TCF15: variants seen among roughly 807,000 people sequenced by gnomAD.
TCF15 encodes the protein transcription factor 15.
A neutral mutation model predicts 11.1 loss-of-function variants in TCF15; 7 were observed. The ratio of observed to expected loss-of-function variants is 0.63; its 90% CI spans 0.36 to 1.19. The LOEUF (loss-of-function observed/expected upper bound fraction) is 1.19. Among genes scored for constraint, TCF15 ranks in the 50% most tolerant of loss-of-function variants. The probability of loss-of-function intolerance (pLI) is 0.02; values close to 1 mark genes in which losing one functional copy is unlikely to be tolerated. For missense variants in TCF15, 288 were observed against 289.4 expected (o/e 1.00, Z 0.03); for synonymous variants, 144 against 138.9 (o/e 1.04, Z -0.26).
In TCF15 at chr20:606,662, C is replaced by CA. The variant is rs796860046; in HGVS notation, c.526-1998dup. On this transcript the variant is annotated intron_variant, in intron 1 of 1. Transcript: ENST00000246080. ...CAAAACCCCGTCTCTACTAAAAATA[C>CA]AAAAAATTAGCCAGGTGTGGTGGCT... Among the ~76,000 whole-genome samples the CA allele has an allele frequency of 1.4e-4, 22 of 152,006 alleles. 1 individual carries two copies. Among genetic ancestry groups the CA allele is most frequent in the African/African-American group, 2.7e-4 (11 of 41,474 alleles).
rs768758176 is a variant in TCF15 at position 609,790 on chromosome 20, C to T, written c.448G>A (p.Ala150Thr). 1 of 1,437,484 alleles carries T rather than the reference C, an allele frequency of 7.0e-7. No individual in the cohort carries two copies. The highest frequency in any genetic ancestry group is 2.4e-4 in the Middle Eastern group (1 of 4,208). The allele number at this position is 1,437,484 out of a possible 1,614,324, so 89.0% of individuals were successfully genotyped here. A position where few individuals can be genotyped will look rare whatever the true frequency, so the allele number is the denominator to read the frequency against. Residue 150 changes from alanine (A) to threonine (T), a missense_variant, in exon 1 of 2, where the codon GCC (alanine) becomes ACC (threonine). By Grantham distance (58) the Ala-to-Thr change is moderately conservative (BLOSUM62 0). Coordinates refer to ENST00000246080, the MANE Select transcript of TCF15 (RefSeq NM_004609.4). This position sits in a 1 kb window ranked among gnomAD's most constrained non-coding sequence, Gnocchi z 4.7. ...CFRAAGSAKG[A>T]VPAAADGGRQ... Reference sequence around the variant, plus strand: ...CCGCCGTCGGCGGCGGCGGGGACGGCGCCCTTGGCACTGCCCGCGGCACGG... The same window carrying T: ...CCGCCGTCGGCGGCGGCGGGGACGGTGCCCTTGGCACTGCCCGCGGCACGG...
At chr20:605,329 A>G (rs1337143841) in intron 1 of TCF15, among the ~76,000 whole-genome samples, 1 of 152,178 alleles carries the variant, frequency 6.6e-6, no homozygotes. Context: ...TCACTCGTCC[A>G]CCTTTAAAAG....
Position 609,653 on chromosome 20 carries a change from A to ACG in TCF15, c.525+59_525+60insCG. ...CCCTGCACCTCTCCGGTTCCCGCAG[A>ACG]GGCGCTGCCCCCCGCCTACCCCGAC... is the stretch of plus-strand genomic sequence containing the variant. On this transcript the variant is annotated intron_variant, in intron 1 of 1. Coordinates refer to ENST00000246080, the MANE Select transcript of TCF15 (RefSeq NM_004609.4). This position sits in a 1 kb window ranked among gnomAD's most constrained non-coding sequence, Gnocchi z 4.7. The ACG allele has an allele frequency of 7.6e-7, 1 of 1,317,632 alleles. No homozygotes were observed. Among genetic ancestry groups the ACG allele is most frequent in the Non-Finnish European group, 9.6e-7 (1 of 1,041,322 alleles). The allele number at this position is 1,317,632 out of a possible 1,614,324, so 81.6% of individuals were successfully genotyped here.
chr20:610,260 T>A lies in TCF15; in HGVS notation c.-23A>T, dbSNP rs774988481. On this transcript the variant is annotated 5_prime_UTR_variant, in exon 1 of 2. Coordinates refer to ENST00000246080, the MANE Select transcript of TCF15 (RefSeq NM_004609.4). ...CATGGGCGCCGGCCGCGTCCCTCCG[T>A]GCGCCGCGTCCCAGCGTCGGCCGCG... 1 of 989,040 alleles carries A rather than the reference T, an allele frequency of 1.0e-6. No homozygotes were observed. Among genetic ancestry groups the A allele is most frequent in the Admixed American group, 6.2e-5 (1 of 16,152 alleles). 61.3% of individuals were successfully genotyped at this position (989,040 alleles called of 1,614,324 possible).
chr20:609,578 C>G lies in TCF15; in HGVS notation c.525+135G>C, dbSNP rs2020004358. The G allele has an allele frequency of 9.4e-7, 1 of 1,067,624 alleles. No homozygotes were observed. Among genetic ancestry groups the G allele is most frequent in the Non-Finnish European group, 1.2e-6 (1 of 825,056 alleles). 66.1% of individuals were successfully genotyped at this position (1,067,624 alleles called of 1,614,324 possible). ...AGTCAGTGGTTCTGGGCTTGGGGTG[C>G]CGCACCCAGCACGAATTCCACGTCG... On this transcript the variant is annotated intron_variant, in intron 1 of 1. Coordinates refer to ENST00000246080, the MANE Select transcript of TCF15 (RefSeq NM_004609.4). This position sits in a 1 kb window ranked among gnomAD's most constrained non-coding sequence, Gnocchi z 4.7.
intron 1 of TCF15, among the ~76,000 whole-genome samples, chr20:606,066 C>A (rs2019972108): frequency 6.6e-6 from 1 of 152,190 alleles, no homozygotes; most frequent in Non-Finnish European, 1.5e-5. Flanking sequence ...CCTCCACCCC[C>A]AGGTCCAGGT....
Position 610,188 on chromosome 20 carries a change from T to C in TCF15, c.50A>G (p.Asp17Gly). Reference protein sequence around the residue: ...RPVGAHVLYPDVRLLSEDEEN... With the variant: ...RPVGAHVLYPGVRLLSEDEEN... ...CTCGTCCTCGCTCAGCAGCCGCACGTCCGGGTACAGCACGTGCGCGCCGAC... is the reference window on the plus strand; with the variant it reads ...CTCGTCCTCGCTCAGCAGCCGCACGCCCGGGTACAGCACGTGCGCGCCGAC... The change falls in exon 1 of 2, where the codon GAC (aspartate) becomes GGC (glycine). Residue 17 changes from aspartate (D) to glycine (G), a missense_variant. Physicochemically the swap from Asp to Gly is moderately conservative, Grantham distance 94. Coordinates refer to ENST00000246080, the MANE Select transcript of TCF15 (RefSeq NM_004609.4). 9.5e-7 allele frequency: 1 copy of C among 1,051,088 alleles called. No homozygotes were observed. Among genetic ancestry groups the C allele is most frequent in the Non-Finnish European group, 1.2e-6 (1 of 868,260 alleles). 65.1% of individuals were successfully genotyped at this position (1,051,088 alleles called of 1,614,324 possible). A position where few individuals can be genotyped will look rare whatever the true frequency, so the allele number is the denominator to read the frequency against.
rs1383066762 is a variant in TCF15 at position 609,959 on chromosome 20, C to T, written c.279G>A (p.Thr93=). The T allele has an allele frequency of 1.4e-6, 2 of 1,478,848 alleles. No homozygotes were observed. Among genetic ancestry groups the T allele is most frequent in the Non-Finnish European group, 8.9e-7 (1 of 1,121,564 alleles). 91.6% of individuals were successfully genotyped at this position (1,478,848 alleles called of 1,614,324 possible). The change falls in exon 1 of 2, where the codon ACG becomes ACA. Residue 93 remains threonine (T), a synonymous_variant. Coordinates refer to ENST00000246080, the MANE Select transcript of TCF15 (RefSeq NM_004609.4). This position sits in a 1 kb window ranked among gnomAD's most constrained non-coding sequence, Gnocchi z 4.7. ...CGGTGGGGATGAGCGTGCGCAGCGC[C>T]GTGAAGGCCGTGTTCACGCTCTGAG... is the stretch of plus-strand genomic sequence containing the variant. ...DRTQSVNTAF[T]ALRTLIPTEP... is the part of the protein sequence containing the mutation.
chr20:610,156 G>C lies in TCF15; in HGVS notation c.82C>G (p.Arg28Gly). ...TGGTCCGACGCGTCGCTCTCGCTGC[G>C]GTTCTCCTCGTCCTCGCTCAGCAGC... ...VRLLSEDEEN[R>G]SESDASDQSF... is the part of the protein sequence containing the mutation. Residue 28 changes from arginine to glycine, a missense_variant, in exon 1 of 2, where the codon CGC becomes GGC. Coordinates refer to ENST00000246080, the MANE Select transcript of TCF15 (RefSeq NM_004609.4). 9.6e-7 allele frequency: 1 copy of C among 1,043,840 alleles called. No individual in the cohort carries two copies. The highest frequency in any genetic ancestry group is 1.7e-5 in the African/African-American group (1 of 57,854). The allele number at this position is 1,043,840 out of a possible 1,614,324, so 64.7% of individuals were successfully genotyped here. A position where few individuals can be genotyped will look rare whatever the true frequency, so the allele number is the denominator to read the frequency against.
chr20:607,633 C>T (rs45565235), intron 1 of TCF15, among the ~76,000 whole-genome samples: 15,767 of 152,250 alleles, frequency 0.1, 1,022 homozygotes, highest in South Asian at 0.18. Flanking sequence ...CCCAGGGAAG[C>T]GGCCAGGCCC....
rs2019956571 is a variant in TCF15 at position 604,576 on chromosome 20, C to T, written c.*15G>A. 8 of 1,550,768 alleles carry T rather than the reference C, an allele frequency of 5.2e-6. No homozygotes were observed. Among genetic ancestry groups the T allele is most frequent in the Non-Finnish European group, 6.1e-6 (7 of 1,146,332 alleles). On this transcript the variant is annotated 3_prime_UTR_variant, in exon 2 of 2. Coordinates refer to ENST00000246080, the MANE Select transcript of TCF15 (RefSeq NM_004609.4). The surrounding 1 kb of genome is among the most constrained non-coding windows in gnomAD (Gnocchi z 4.2). Reference sequence around the variant, plus strand: ...CCAGTGGCTGGCTCCTGGCCTCCTTCTCCAGGGTCCAGGCTCATCTCCGTG... The same window carrying T: ...CCAGTGGCTGGCTCCTGGCCTCCTTTTCCAGGGTCCAGGCTCATCTCCGTG...
rs745900039 is a variant in TCF15 at position 609,030 on chromosome 20, C to T, written c.525+683G>A. 4.3e-4 allele frequency among the ~76,000 whole-genome samples: 65 copies of T among 152,134 alleles called. No individual in the cohort carries two copies. The highest frequency in any genetic ancestry group is 5.4e-4 in the Non-Finnish European group (37 of 68,018). On this transcript the variant is annotated intron_variant, in intron 1 of 1. Transcript: ENST00000246080. The surrounding 1 kb of genome is among the most constrained non-coding windows in gnomAD (Gnocchi z 4.7). Reference sequence around the variant, plus strand: ...CAGCTGACCCAAGAGTGCCCTCTCCCAACACCACGTCCTTTTGGGGGCTGG... The same window carrying T: ...CAGCTGACCCAAGAGTGCCCTCTCCTAACACCACGTCCTTTTGGGGGCTGG...
At position 610,048 on chromosome 20, in the gene TCF15, C is replaced by A. The variant is rs758317029; in HGVS notation, c.190G>T (p.Gly64Cys). The A allele has an allele frequency of 1.1e-5, 12 of 1,133,088 alleles. No individual in the cohort carries two copies. Among genetic ancestry groups the A allele is most frequent in the Non-Finnish European group, 1.3e-5 (12 of 925,992 alleles). 70.2% of individuals were successfully genotyped at this position (1,133,088 alleles called of 1,614,324 possible). A position where few individuals can be genotyped will look rare whatever the true frequency, so the allele number is the denominator to read the frequency against. Residue 64 changes from glycine to cysteine, a missense_variant, in exon 1 of 2, where the codon GGC becomes TGC. Gly to Cys is a radical substitution (Grantham distance 159). Coordinates refer to ENST00000246080, the MANE Select transcript of TCF15 (RefSeq NM_004609.4). ...GGGRRAGGGG[G>C]AGPVVVVRQR... is the part of the protein sequence containing the mutation. ...CGCACCACCACCACGGGGCCCGCGC[C>A]GCCGCCGCCGCCCGCCCGCCGCCCG...
intron 1 of TCF15, among the ~76,000 whole-genome samples, chr20:608,992 C>T (rs551666064): frequency 2.0e-4 from 31 of 152,290 alleles, no homozygotes; most frequent in African/African-American, 7.2e-4. Flanking sequence ...AGGAGCTGCA[C>T]ACCAGCTCCC....
rs1378335116 is a variant in TCF15 at position 604,461 on chromosome 20, G to A, written c.*130C>T. On this transcript the variant is annotated 3_prime_UTR_variant, in exon 2 of 2. Coordinates refer to ENST00000246080, the MANE Select transcript of TCF15 (RefSeq NM_004609.4). This position sits in a 1 kb window ranked among gnomAD's most constrained non-coding sequence, Gnocchi z 4.2. The stretch of plus-strand genomic sequence containing the variant: ...CGGGTGGAGATGTCCCGAGGGCCCT[G>A]CCCAGAGTGTCCCGGAACAGGCCAT... 4.7e-6 allele frequency: 4 copies of A among 848,276 alleles called. 1 individual carries two copies. The South Asian group carries it at 5.9e-5, about 12-fold the overall frequency. 52.5% of individuals were successfully genotyped at this position (848,276 alleles called of 1,614,324 possible).
At chr20:606,954 T>C (rs1202202948) in intron 1 of TCF15, among the ~76,000 whole-genome samples, 1 of 152,216 alleles carries the variant, frequency 6.6e-6, no homozygotes, top group Non-Finnish European at 1.5e-5. Flanking sequence ...ATCCCTACTT[T>C]GCCAAGGGCC....
In TCF15 at chr20:609,756, G is replaced by C. The variant is rs1384567050; in HGVS notation, c.482C>G (p.Pro161Arg). The change falls in exon 1 of 2, where the codon CCG becomes CGG. Residue 161 changes from proline (P) to arginine (R), a missense_variant. Transcript: ENST00000246080. The surrounding 1 kb of genome is among the most constrained non-coding windows in gnomAD (Gnocchi z 4.7). ...VPAAADGGRQ[P>R]RSICTFCLSN... is the part of the protein sequence containing the mutation. ...GAGGCAGAAGGTGCAGATGGAGCGC[G>C]GCTGGCGGCCGCCGTCGGCGGCGGC... 1 of 1,404,936 alleles carries C rather than the reference G, an allele frequency of 7.1e-7. No individual in the cohort carries two copies. Among genetic ancestry groups the C allele is most frequent in the Non-Finnish European group, 9.2e-7 (1 of 1,091,836 alleles). The allele number at this position is 1,404,936 out of a possible 1,614,324, so 87.0% of individuals were successfully genotyped here.
chr20:608,128 T>C (rs957194768), intron 1 of TCF15, among the ~76,000 whole-genome samples: 1 of 152,164 alleles, frequency 6.6e-6, no homozygotes, highest in African/African-American at 2.4e-5. Flanking sequence ...ACAGAAACCC[T>C]GTCAGCACTC....
Position 609,571 on chromosome 20 carries a change from T to C in TCF15, c.525+142A>G. ...GGCATTAAGTCAGTGGTTCTGGGCT[T>C]GGGGTGCCGCACCCAGCACGAATTC... On this transcript the variant is annotated intron_variant, in intron 1 of 1. Coordinates refer to ENST00000246080, the MANE Select transcript of TCF15 (RefSeq NM_004609.4). The surrounding 1 kb of genome is among the most constrained non-coding windows in gnomAD (Gnocchi z 4.7). The C allele has an allele frequency of 2.0e-6, 2 of 994,202 alleles. No individual in the cohort carries two copies. The highest frequency in any genetic ancestry group is 2.6e-6 in the Non-Finnish European group (2 of 760,928). The allele number at this position is 994,202 out of a possible 1,614,324, so 61.6% of individuals were successfully genotyped here.
Sources: allele counts gnomAD v4.1 joint callset (sites outside exome capture counted in the v4.1 genomes callset), GRCh38; gene constraint gnomAD v4.1.1; non-coding constraint Gnocchi (gnomAD v3.1); transcripts MANE v1.5; gene names NCBI Gene and HGNC (gene_info 2026-07-23, HGNC 2026-07-21).